SLC5A1: variants seen among roughly 807,000 people sequenced by gnomAD.
SLC5A1 encodes the protein sodium/glucose cotransporter 1.
A neutral mutation model predicts 73.5 loss-of-function variants in SLC5A1; 42 were observed. The observed-to-expected ratio is 0.57, with a 90% CI of 0.45 to 0.74. The LOEUF (loss-of-function observed/expected upper bound fraction) is 0.74. Among genes scored for constraint, SLC5A1 ranks in the 30% least tolerant of loss-of-function variants. The probability of loss-of-function intolerance (pLI) is 0.00; values close to 1 mark genes in which losing one functional copy is unlikely to be tolerated. For synonymous variants in SLC5A1, 300 were observed against 317.4 expected (o/e 0.95, Z 0.58); for missense variants, 634 against 855.4 (o/e 0.74, Z 3.23).
chr22:32,053,725 G>A (rs1386230698), intron 2 of SLC5A1, among the ~76,000 whole-genome samples: 2 of 152,164 alleles, frequency 1.3e-5, no homozygotes, highest in Non-Finnish European at 1.5e-5. Context: ...AGTCGGAAGA[G>A]GCAGAAAGGT....
chr22:32,100,127 G>T (rs2094033824), intron 12 of SLC5A1, among the ~76,000 whole-genome samples: 1 of 152,194 alleles, frequency 6.6e-6, no homozygotes, highest in Non-Finnish European at 1.5e-5. Context: ...AGGAGTGAGG[G>T]TGAAGGACTT....
At chr22:32,079,392 G>T (rs1159875490) in intron 5 of SLC5A1, among the ~76,000 whole-genome samples, 11 of 152,180 alleles carry the variant, frequency 7.2e-5, no homozygotes, top group Non-Finnish European at 1.2e-4. Context: ...TCCTTTATCT[G>T]TACTGTTAGA....
chr22:32,103,191 AG>A (rs2094039519), intron 13 of SLC5A1, among the ~76,000 whole-genome samples: 1 of 152,230 alleles, frequency 6.6e-6, no homozygotes, highest in African/African-American at 2.4e-5. Flanking sequence ...TCTCACCAAC[AG>A]TGTTTGAGGA....
chr22:32,070,913 A>G (rs2149488925), intron 5 of SLC5A1, among the ~76,000 whole-genome samples: 1 of 152,334 alleles, frequency 6.6e-6, no homozygotes, highest in South Asian at 2.1e-4. Flanking sequence ...AATGTAAATG[A>G]TAAGGAATAA....
Position 32,110,053 on chromosome 22 carries a change from T to TGG in SLC5A1, c.1835_1836insGG (p.Gln614SerfsTer8). 6.2e-7 allele frequency: 1 copy of TGG among 1,614,108 alleles called. No homozygotes were observed. The highest frequency in any genetic ancestry group is 1.7e-5 in the Admixed American group (1 of 60,010). On this transcript the variant is annotated frameshift_variant, in exon 15 of 15. Transcript: ENST00000266088. LOFTEE classifies it high-confidence loss of function. ...AGAGCCTATGACCTATTTTGTGGGCTAGAGCAGCACGGTGCACCCAAGATG... is the reference window on the plus strand; with the variant it reads ...AGAGCCTATGACCTATTTTGTGGGCTGGAGAGCAGCACGGTGCACCCAAGATG...
intron 14 of SLC5A1, among the ~76,000 whole-genome samples, 155 bp from the exon 15 acceptor site, chr22:32,109,835 T>C (rs1569319790): frequency 6.6e-6 from 1 of 152,190 alleles, no homozygotes; most frequent in Admixed American, 6.5e-5. Flanking sequence ...TTTCATTCCT[T>C]AAAACAAGAA....
At position 32,045,042 on chromosome 22, in the gene SLC5A1, G is replaced by A. The variant is rs533986491; in HGVS notation, c.135+1626G>A. 4.6e-5 allele frequency among the ~76,000 whole-genome samples: 7 copies of A among 152,272 alleles called. No individual in the cohort carries two copies. The East Asian group carries it at 1.4e-3, about 29-fold the overall frequency. ...CCTCATGTGGTTGTGATTTGTCTAA[G>A]GTTACAATAGATGAAATTGTTCCTG... On this transcript the variant is annotated intron_variant, in intron 1 of 14. Coordinates refer to ENST00000266088, the MANE Select transcript of SLC5A1 (RefSeq NM_000343.4).
chr22:32,062,568 G>A (rs2093964987), intron 2 of SLC5A1, among the ~76,000 whole-genome samples: 1 of 152,158 alleles, frequency 6.6e-6, no homozygotes, highest in Non-Finnish European at 1.5e-5. Flanking sequence ...AGTAGTAAGT[G>A]AGAGGTGAGA....
At chr22:32,082,991 A>G (rs2094002369) in intron 6 of SLC5A1, 83 bp from the exon 7 acceptor site, 2 of 1,230,836 alleles carry the variant, frequency 1.6e-6, no homozygotes, top group African/African-American at 3.0e-5. Context: ...CAGCAGAAGT[A>G]GAGGGTGGAG....
chr22:32,084,882 C>T lies in SLC5A1; in HGVS notation c.886-18C>T. On this transcript the variant is annotated intron_variant, in intron 8 of 14. Coordinates refer to ENST00000266088, the MANE Select transcript of SLC5A1 (RefSeq NM_000343.4). Reference sequence around the variant, plus strand: ...GTCTCTGGTCTGCACACCTCCCTTACTGGGCTTTTTCTGGCAGGTCATTGT... The same window carrying T: ...GTCTCTGGTCTGCACACCTCCCTTATTGGGCTTTTTCTGGCAGGTCATTGT... 1 of 1,613,916 alleles carries T rather than the reference C, an allele frequency of 6.2e-7. No individual in the cohort carries two copies. Among genetic ancestry groups the T allele is most frequent in the Non-Finnish European group, 8.5e-7 (1 of 1,180,008 alleles).
intron 2 of SLC5A1, among the ~76,000 whole-genome samples, chr22:32,050,335 G>C (rs2093943603): frequency 6.6e-6 from 1 of 152,208 alleles, no homozygotes; most frequent in African/African-American, 2.4e-5. Context: ...ACAGGGGTCA[G>C]AGGCTCTCCA....
rs2094004153 is a variant in SLC5A1 at position 32,084,064 on chromosome 22, A to G, written c.665-375A>G. Among the ~76,000 whole-genome samples, 3 of 152,242 alleles carry G rather than the reference A, an allele frequency of 2.0e-5. 1 individual carries two copies. The highest frequency in any genetic ancestry group is 2.0e-4 in the Admixed American group (3 of 15,286). The stretch of plus-strand genomic sequence containing the variant: ...CTGTGTGTCTCTAGGCCTGAGTCCA[A>G]GGCTCCAAAGGCCATGGCTGACAGC... On this transcript the variant is annotated intron_variant, in intron 7 of 14. Coordinates refer to ENST00000266088, the MANE Select transcript of SLC5A1 (RefSeq NM_000343.4).
rs180887455 is a variant in SLC5A1, at chr22:32,078,923, C to A, written c.478-2943C>A. Reference sequence around the variant, plus strand: ...TGAGCCGAGATTGTGCCACTGCACTCCAGCCTGGCGAAAGAGCAAGACTCT... The same window carrying A: ...TGAGCCGAGATTGTGCCACTGCACTACAGCCTGGCGAAAGAGCAAGACTCT... On this transcript the variant is annotated intron_variant, in intron 5 of 14. Coordinates refer to ENST00000266088, the MANE Select transcript of SLC5A1 (RefSeq NM_000343.4). Among the ~76,000 whole-genome samples the A allele has an allele frequency of 4.4e-5, 6 of 137,616 alleles. No individual in the cohort carries two copies. The East Asian group carries it at 1.3e-3, about 29-fold the overall frequency. 90.3% of individuals were successfully genotyped at this position (137,616 alleles called of 152,430 possible).
intron 10 of SLC5A1, among the ~76,000 whole-genome samples, chr22:32,088,117 T>G (rs1473077117): frequency 6.6e-6 from 1 of 152,212 alleles, no homozygotes; most frequent in Non-Finnish European, 1.5e-5. Flanking sequence ...ACAGTGACTC[T>G]TCTAGAAAAG....
In SLC5A1 at chr22:32,056,818, G is replaced by T. The variant is rs975079173; in HGVS notation, c.207+6804G>T. ...CTGCATTTTCCATTTGGGCTATGAT[G>T]ACCTTGTTTCCTCAAGGAGAAAACG... On this transcript the variant is annotated intron_variant, in intron 2 of 14. Coordinates refer to ENST00000266088, the MANE Select transcript of SLC5A1 (RefSeq NM_000343.4). Among the ~76,000 whole-genome samples the T allele has an allele frequency of 2.6e-5, 4 of 152,170 alleles. No homozygotes were observed. The East Asian group carries it at 7.7e-4, about 29-fold the overall frequency.
At chr22:32,104,071 G>A (rs12166759) in intron 13 of SLC5A1, among the ~76,000 whole-genome samples, 2,888 of 152,274 alleles carry the variant, frequency 0.019, 28 homozygotes, top group South Asian at 0.03. Flanking sequence ...GAATCCCTAA[G>A]AGACCTTCAA....
chr22:32,081,955 C>T lies in SLC5A1; in HGVS notation c.567C>T (p.Ala189=). 1.2e-6 allele frequency: 2 copies of T among 1,609,638 alleles called. No individual in the cohort carries two copies. Among genetic ancestry groups the T allele is most frequent in the South Asian group, 1.1e-5 (1 of 90,976 alleles). Residue 189 remains alanine, a synonymous_variant, in exon 6 of 15, where the codon GCC becomes GCT. Transcript: ENST00000266088. ...LAIFLLLAIT[A]LYTITGGLAA... is the part of the protein sequence containing the mutation. ...TCTTTCTCTTATTGGCAATCACTGC[C>T]CTTTACACAATTACAGGTGAGTCCA...
At chr22:32,060,718 T>C (rs928645581) in intron 2 of SLC5A1, among the ~76,000 whole-genome samples, 18 of 152,096 alleles carry the variant, frequency 1.2e-4, no homozygotes, top group African/African-American at 4.3e-4. Flanking sequence ...TACAGGTACA[T>C]GCCACCATGC....
Position 32,105,013 on chromosome 22 carries a change from G to A in SLC5A1, c.1771+122G>A, listed in dbSNP as rs549409082. ...TCAGATGTCTCCCCTCCAGGGCAGT[G>A]AGGAGTAGGGTGGGGATGAGATGGA... On this transcript the variant is annotated intron_variant, in intron 14 of 14. Transcript: ENST00000266088. The A allele has an allele frequency of 2.0e-5, 15 of 759,394 alleles. No individual in the cohort carries two copies. In the South Asian group the frequency reaches 2.1e-4, roughly 10 times the overall value. The allele number at this position is 759,394 out of a possible 1,614,324, so 47.0% of individuals were successfully genotyped here. A position where few individuals can be genotyped will look rare whatever the true frequency, so the allele number is the denominator to read the frequency against.
Sources: gnomAD v4.1 joint callset for allele counts (sites outside exome capture counted in the v4.1 genomes callset) on GRCh38, gnomAD v4.1.1 for gene constraint, MANE v1.5 for transcripts, NCBI Gene and HGNC (gene_info 2026-07-23, HGNC 2026-07-21) for gene names.